ZFHX3: variants seen among roughly 807,000 people sequenced by gnomAD.
ZFHX3 encodes zinc finger homeobox 3, also known as zinc finger homeobox protein 3.
Under a neutral mutation model 279.1 loss-of-function variants are expected in ZFHX3, and 42 were observed. The ratio of observed to expected loss-of-function variants is 0.15; its 90% CI spans 0.12 to 0.19. ZFHX3 has a LOEUF of 0.19. ZFHX3 is among the 10% of genes least tolerant of loss of function. ZFHX3 has a pLI of 1.00. For synonymous variants in ZFHX3, 2,293 were observed against 1,957.8 expected, an observed-to-expected ratio of 1.17 and a Z score of -4.52; for missense variants, 4,981 against 4,754.0, an observed-to-expected ratio of 1.05 and a Z score of -1.40.
At chr16:73,232,893 A>G (rs977048564) in intron 5 of ZFHX3, 2 of 152,120 alleles carry the variant, frequency 1.3e-5, no homozygotes, top group Non-Finnish European at 2.9e-5. Flanking sequence ...AGCCGTTCCA[A>G]TCGTGCTCTC....
At chr16:73,719,070 C>G (rs2053447465) in intron 1 of ZFHX3, among the ~76,000 whole-genome samples, 1 of 152,192 alleles carries the variant, frequency 6.6e-6, no homozygotes, top group South Asian at 2.1e-4. Flanking sequence ...CTACAACAGG[C>G]AGTGTACACT....
chr16:72,886,699 C>A (rs1183373747), intron 4 of ZFHX3, among the ~76,000 whole-genome samples: 3 of 152,298 alleles, frequency 2.0e-5, no homozygotes, highest in African/African-American at 7.2e-5. Flanking sequence ...GAGCAAGAAA[C>A]AGGTCTAGGT....
At chr16:73,081,892 G>A (rs370436459) in intron 8 of ZFHX3, among the ~76,000 whole-genome samples, 4 of 148,642 alleles carry the variant, frequency 2.7e-5, no homozygotes, top group East Asian at 4.0e-4. Flanking sequence ...GCTGGAGTGC[G>A]GTGGCACGAT....
intron 1 of ZFHX3, among the ~76,000 whole-genome samples, chr16:73,837,668 C>T (rs144144692): frequency 4.6e-5 from 7 of 151,994 alleles, no homozygotes; most frequent in East Asian, 1.9e-4. Flanking sequence ...GACGGAGTTT[C>T]GCTCTTGTTG....
intron 2 of ZFHX3, among the ~76,000 whole-genome samples, chr16:73,645,113 A>G (rs2052606594): frequency 6.6e-6 from 1 of 152,238 alleles, no homozygotes. Context: ...TAGTCAAGCA[A>G]CCAGATATTA....
intron 1 of ZFHX3, among the ~76,000 whole-genome samples, chr16:73,709,213 A>C (rs2053333682): frequency 6.6e-6 from 1 of 152,082 alleles, no homozygotes; most frequent in Non-Finnish European, 1.5e-5. Flanking sequence ...CAGAAAAGAA[A>C]AATTAGCCAG....
chr16:73,201,649 C>G (rs1241933429), intron 5 of ZFHX3, among the ~76,000 whole-genome samples: 7 of 152,206 alleles, frequency 4.6e-5, no homozygotes, highest in Non-Finnish European at 1.0e-4. Flanking sequence ...GGCTGTGCAA[C>G]TGCTTTGGTA....
chr16:73,729,677 C>T (rs149231321), intron 1 of ZFHX3, among the ~76,000 whole-genome samples: 121 of 152,314 alleles, frequency 7.9e-4, no homozygotes, highest in African/African-American at 2.8e-3. Flanking sequence ...CAACCTCTCC[C>T]GCAATCTTGG....
chr16:73,099,831 T>C (rs1966209979), intron 7 of ZFHX3, among the ~76,000 whole-genome samples: 1 of 151,884 alleles, frequency 6.6e-6, no homozygotes, highest in African/African-American at 2.4e-5. Context: ...TTCAGAGTCA[T>C]CTGGGTCATC....
chr16:73,334,250 C>T (rs566414595), intron 3 of ZFHX3, among the ~76,000 whole-genome samples: 2 of 152,090 alleles, frequency 1.3e-5, no homozygotes, highest in East Asian at 1.9e-4. Flanking sequence ...ATAAGCCACA[C>T]GGGCTGAGCA....
chr16:72,812,153 A>G, intron 5 of ZFHX3, 115 bp from the exon 6 acceptor site: 1 of 1,391,338 alleles, frequency 7.2e-7, no homozygotes, highest in Non-Finnish European at 9.6e-7. Context: ...TTAAAACACC[A>G]AAATTCAAGA....
intron 2 of ZFHX3, among the ~76,000 whole-genome samples, chr16:73,527,803 TGA>T (rs1196741291): frequency 6.6e-6 from 1 of 152,170 alleles, no homozygotes; most frequent in Non-Finnish European, 1.5e-5. Context: ...GTCACGTGTG[TGA>T]ACTTGGAAAT....
rs73603512 is a variant in ZFHX3, at chr16:73,835,835, T to G, written c.-1608+55816A>C. Among the ~76,000 whole-genome samples the G allele has an allele frequency of 6.8e-3, 1,033 of 152,268 alleles. 15 individuals are homozygous for G. The highest frequency in any genetic ancestry group is 0.024 in the African/African-American group (994 of 41,548). On this transcript the variant is annotated intron_variant, in intron 1 of 17. Coordinates refer to the ZFHX3 transcript ENST00000641206. Reference sequence around the variant, plus strand: ...AATTACACTTAAATTTCCTGTTTTCTCTTGAAGTAGTCAAGGGTGTTTTTC... The same window carrying G: ...AATTACACTTAAATTTCCTGTTTTCGCTTGAAGTAGTCAAGGGTGTTTTTC...
chr16:73,143,520 C>T (rs932519569), intron 6 of ZFHX3, among the ~76,000 whole-genome samples: 8 of 152,188 alleles, frequency 5.3e-5, no homozygotes, highest in Non-Finnish European at 1.2e-4. Flanking sequence ...TTGCAGCAAA[C>T]CCACTTTTCT....
chr16:73,487,859 TC>T (rs1423531286), intron 2 of ZFHX3: 1 of 153,834 alleles, frequency 6.5e-6, no homozygotes, highest in African/African-American at 2.4e-5. Context: ...TGGGACTCCT[TC>T]TAGCACCATA....
At chr16:73,096,027 T>A (rs1265256433) in intron 7 of ZFHX3, among the ~76,000 whole-genome samples, 1 of 152,052 alleles carries the variant, frequency 6.6e-6, no homozygotes, top group Non-Finnish European at 1.5e-5. Flanking sequence ...GGAAAGACGA[T>A]GTGATTGAGC....
chr16:73,478,372 C>T (rs1424497735), intron 2 of ZFHX3, among the ~76,000 whole-genome samples: 1 of 151,992 alleles, frequency 6.6e-6, no homozygotes, highest in Non-Finnish European at 1.5e-5. Flanking sequence ...GATGCTCTAC[C>T]AACTGAGCTA....
intron 3 of ZFHX3, among the ~76,000 whole-genome samples, chr16:72,949,911 CTTTTTTTTTTT>C (rs774934563): frequency 8.6e-6 from 1 of 116,058 alleles, no homozygotes; most frequent in East Asian, 2.5e-4. Context: ...ATTTTCTTTT[CTTTTTTTTTTT>C]TTTTTTTGGT....
intron 3 of ZFHX3, among the ~76,000 whole-genome samples, chr16:73,422,548 C>T (rs912145949): frequency 6.6e-6 from 1 of 152,172 alleles, no homozygotes; most frequent in Non-Finnish European, 1.5e-5. Context: ...TCATTTTTCT[C>T]CCCAAAGCAA....
Sources: allele counts gnomAD v4.1 joint callset (sites outside exome capture counted in the v4.1 genomes callset), GRCh38; gene constraint gnomAD v4.1.1; transcripts MANE v1.5; gene names NCBI Gene and HGNC (gene_info 2026-07-23, HGNC 2026-07-21).